The following SDHC variants were observed in gnomAD, a reference collection of about 807,000 sequenced individuals.
SDHC encodes the protein succinate dehydrogenase complex subunit C.
Under a neutral mutation model 22.6 loss-of-function variants are expected in SDHC, and 11 were observed. That is an observed-to-expected ratio of 0.49 (90% confidence interval 0.31 to 0.81). The LOEUF is 0.81. SDHC is among the 30% of genes least tolerant of loss of function. The pLI, the probability that SDHC is intolerant of heterozygous loss-of-function variation, is 0.05. For synonymous variants in SDHC, 80 were observed against 77.8 expected (o/e 1.03, Z -0.15); for missense variants, 160 against 212.0 (o/e 0.75, Z 1.52).
chr1:161,326,620 AAT>A (rs1671063737), intron 2 of SDHC: 2 of 119,110 alleles, frequency 1.7e-5, no homozygotes, highest in African/African-American at 6.7e-5. Context: ...TTTAATTTTT[AAT>A]TTTTTTTTTT....
At chr1:161,331,550 G>A (rs6668201) in intron 3 of SDHC, among the ~76,000 whole-genome samples, 260 of 151,960 alleles carry the variant, frequency 1.7e-3, no homozygotes, top group Non-Finnish European at 2.4e-3. Context: ...CCAAAGTGCT[G>A]GGATTATGTG....
intron 3 of SDHC, among the ~76,000 whole-genome samples, chr1:161,339,285 C>T (rs935047919): frequency 2.3e-4 from 35 of 151,998 alleles, no homozygotes; most frequent in African/African-American, 7.2e-4. Flanking sequence ...TGGCCTCAAG[C>T]GACCCTCTCA....
chr1:161,316,214 T>G (rs898709556), intron 1 of SDHC, among the ~76,000 whole-genome samples: 7 of 152,184 alleles, frequency 4.6e-5, no homozygotes, highest in African/African-American at 7.2e-5. Flanking sequence ...TTGCTAATCC[T>G]CTTCAGCACA....
intron 1 of SDHC, among the ~76,000 whole-genome samples, chr1:161,321,309 C>T (rs1358331902): frequency 6.6e-6 from 1 of 152,174 alleles, no homozygotes; most frequent in Non-Finnish European, 1.5e-5. Flanking sequence ...TACAGAGTTC[C>T]TGTTTTCACA....
intron 1 of SDHC, 183 bp downstream of exon 1, chr1:161,314,608 G>T: frequency 1.5e-6 from 1 of 670,846 alleles, no homozygotes. Flanking sequence ...GCTCCGGTGC[G>T]CTCCGTAGGG....
chr1:161,358,913 A>G (rs978139379), intron 5 of SDHC, among the ~76,000 whole-genome samples: 33 of 146,572 alleles, frequency 2.3e-4, no homozygotes, highest in Non-Finnish European at 4.8e-4. Context: ...CTGGGCAACA[A>G]GAGCGAAATT....
intron 3 of SDHC, among the ~76,000 whole-genome samples, chr1:161,335,916 T>C (rs1486304501): frequency 6.6e-6 from 1 of 152,232 alleles, no homozygotes; most frequent in Non-Finnish European, 1.5e-5. Context: ...CCTGTAAATC[T>C]GCTTTTTGTT....
chr1:161,320,630 C>A (rs957397901), intron 1 of SDHC, among the ~76,000 whole-genome samples: 1 of 152,014 alleles, frequency 6.6e-6, no homozygotes, highest in East Asian at 1.9e-4. Context: ...ATTCTAAAGA[C>A]CTCGGGGAGA....
rs567074236 is a variant in SDHC at position 161,360,680 on chromosome 1, A to G, written c.406-1649A>G. ...AGGATTGCTTGAGCCCAGGAGTTCAATACTAGCCTGGGCAAGACATAACAA... is the reference window on the plus strand; with the variant it reads ...AGGATTGCTTGAGCCCAGGAGTTCAGTACTAGCCTGGGCAAGACATAACAA... On this transcript the variant is annotated intron_variant, in intron 5 of 5. Transcript: ENST00000367975. Among the ~76,000 whole-genome samples, 25 of 152,242 alleles carry G rather than the reference A, an allele frequency of 1.6e-4. No individual in the cohort carries two copies. In the East Asian group the frequency reaches 1.9e-3, roughly 12 times the overall value.
intron 1 of SDHC, among the ~76,000 whole-genome samples, chr1:161,317,622 C>T (rs1670672584): frequency 1.5e-5 from 2 of 132,238 alleles, no homozygotes; most frequent in Admixed American, 9.2e-5. Flanking sequence ...AGTGCAGTGG[C>T]GCAATCTCAG....
chr1:161,346,340 C>T (rs552515306), intron 4 of SDHC, among the ~76,000 whole-genome samples: 1 of 151,970 alleles, frequency 6.6e-6, no homozygotes, highest in Non-Finnish European at 1.5e-5. Flanking sequence ...AATATATAGT[C>T]TCTACTCTCA....
chr1:161,349,489 A>T (rs996185869), intron 4 of SDHC, among the ~76,000 whole-genome samples: 5 of 152,132 alleles, frequency 3.3e-5, no homozygotes, highest in African/African-American at 1.2e-4. Flanking sequence ...AAAAATAAAA[A>T]ATAAAATAAA....
chr1:161,336,315 C>A, intron 3 of SDHC, among the ~76,000 whole-genome samples: 1 of 151,904 alleles, frequency 6.6e-6, no homozygotes, highest in South Asian at 2.1e-4. Context: ...ATTAGCTGGC[C>A]GTGGTGGCAC....
At chr1:161,318,528 C>T (rs772318855) in intron 1 of SDHC, among the ~76,000 whole-genome samples, 8 of 152,154 alleles carry the variant, frequency 5.3e-5, no homozygotes, top group Non-Finnish European at 1.2e-4. Flanking sequence ...AATGTTCATG[C>T]TCCTTAAACA....
intron 3 of SDHC, among the ~76,000 whole-genome samples, chr1:161,340,313 A>C (rs987116480): frequency 1.3e-5 from 2 of 151,560 alleles, no homozygotes; most frequent in Non-Finnish European, 2.9e-5. Context: ...AAAAGTGAAA[A>C]GACAGGAATG....
chr1:161,348,949 G>A (rs1672003340), intron 4 of SDHC, among the ~76,000 whole-genome samples: 1 of 152,132 alleles, frequency 6.6e-6, no homozygotes, highest in South Asian at 2.1e-4. Flanking sequence ...GAGAATGGCA[G>A]ATAGCTGAAG....
intron 5 of SDHC, among the ~76,000 whole-genome samples, chr1:161,359,616 T>C (rs113165578): frequency 6.6e-6 from 1 of 152,232 alleles, no homozygotes; most frequent in South Asian, 2.1e-4. Context: ...TTGCAGAACT[T>C]AGAGCTTTTC....
chr1:161,326,077 C>T (rs766921171), intron 2 of SDHC, among the ~76,000 whole-genome samples: 1 of 152,080 alleles, frequency 6.6e-6, no homozygotes, highest in Non-Finnish European at 1.5e-5. Context: ...TGGCATGTGC[C>T]TGTAGTCCCA....
At chr1:161,322,210 G>A (rs1310358408) in intron 1 of SDHC, among the ~76,000 whole-genome samples, 1 of 152,134 alleles carries the variant, frequency 6.6e-6, no homozygotes, top group Non-Finnish European at 1.5e-5. Flanking sequence ...TTCAGATTCT[G>A]GATTTTCCAC....
Sources: gnomAD v4.1 joint callset for allele counts (sites outside exome capture counted in the v4.1 genomes callset) on GRCh38, gnomAD v4.1.1 for gene constraint, MANE v1.5 for transcripts, NCBI Gene and HGNC (gene_info 2026-07-23, HGNC 2026-07-21) for gene names.